The following SCAF8 variants were observed in gnomAD, a reference collection of about 807,000 sequenced individuals.
SCAF8 encodes the protein SR-related and CTD-associated factor 8.
A neutral mutation model predicts 140.5 loss-of-function variants in SCAF8; 23 were observed. The ratio of observed to expected loss-of-function variants is 0.16; its 90% CI spans 0.12 to 0.23. SCAF8 has a LOEUF of 0.23. SCAF8 is among the 10% of genes least tolerant of loss of function. The pLI, the probability that SCAF8 is intolerant of heterozygous loss-of-function variation, is 1.00. For missense variants in SCAF8, 1,397 were observed against 1,555.7 expected (o/e 0.90, Z 1.72); for synonymous variants, 575 against 528.9 (o/e 1.09, Z -1.20).
intron 14 of SCAF8, among the ~76,000 whole-genome samples, chr6:154,819,193 C>G (rs1778342656): frequency 1.3e-5 from 2 of 152,224 alleles, no homozygotes; most frequent in South Asian, 2.1e-4. Flanking sequence ...ACTTTAACTA[C>G]TTTCATTAAA....
intron 1 of SCAF8, among the ~76,000 whole-genome samples, chr6:154,741,257 A>G (rs1778560632): frequency 6.6e-6 from 1 of 152,244 alleles, no homozygotes; most frequent in Non-Finnish European, 1.5e-5. Flanking sequence ...ATCATTAAAT[A>G]TAAAAAAATT....
Position 154,795,063 on chromosome 6 carries a change from C to A in SCAF8, c.530C>A (p.Pro177Gln). The A allele has an allele frequency of 6.2e-7, 1 of 1,613,200 alleles. No individual in the cohort carries two copies. The highest frequency in any genetic ancestry group is 8.5e-7 in the Non-Finnish European group (1 of 1,179,664). ...PANVVQGLPDPWVSQITNTDT... is the reference protein window; with the variant it reads ...PANVVQGLPDQWVSQITNTDT... ...AATGTGGTCCAAGGCTTACCTGATCCGTGGGTATCTCAGATAACAAATACA... is the reference window on the plus strand; with the variant it reads ...AATGTGGTCCAAGGCTTACCTGATCAGTGGGTATCTCAGATAACAAATACA... The change falls in exon 6 of 20, where the codon CCG becomes CAG. Residue 177 changes from proline to glutamine, a missense_variant. Pro to Gln is a moderately conservative substitution (Grantham distance 76). This residue lies in a region of SCAF8 where 339 missense variants were observed against 407.5 expected (regional missense o/e 0.83). Coordinates refer to ENST00000367178, the MANE Select transcript of SCAF8 (RefSeq NM_014892.5).
At chr6:154,794,864 G>T in intron 5 of SCAF8, 145 bp from the exon 6 acceptor site, 2 of 500,400 alleles carry the variant, frequency 4.0e-6, no homozygotes, top group South Asian at 4.6e-5. Flanking sequence ...GATTTTAAGT[G>T]ATTTTTTCAA....
chr6:154,736,726 T>C (rs1244188630), intron 1 of SCAF8, among the ~76,000 whole-genome samples: 1 of 152,252 alleles, frequency 6.6e-6, no homozygotes, highest in Non-Finnish European at 1.5e-5. Flanking sequence ...CATGTGTAGA[T>C]AGGTGTTTCA....
intron 1 of SCAF8, among the ~76,000 whole-genome samples, chr6:154,758,929 T>A (rs961589472): frequency 1.3e-5 from 2 of 152,136 alleles, no homozygotes; most frequent in Non-Finnish European, 2.9e-5. Context: ...CTCCTAGTGT[T>A]TTTCCCACTA....
chr6:154,760,749 TA>T (rs1175633916), intron 1 of SCAF8, among the ~76,000 whole-genome samples: 1 of 152,164 alleles, frequency 6.6e-6, no homozygotes, highest in Non-Finnish European at 1.5e-5. Context: ...CATATTAAAA[TA>T]TTTTATGCCA....
intron 3 of SCAF8, 75 bp downstream of exon 3, chr6:154,778,120 C>A: frequency 1.3e-6 from 1 of 785,824 alleles, no homozygotes; most frequent in Non-Finnish European, 2.1e-6. Context: ...AGATCAAATA[C>A]CCAAGTTTAA....
chr6:154,734,017 C>T (rs1210377726), intron 1 of SCAF8, 87 bp downstream of exon 1: 1 of 1,425,438 alleles, frequency 7.0e-7, no homozygotes, highest in East Asian at 2.8e-5. Context: ...GGGCGCGGGC[C>T]TGCGGGTTTT....
intron 1 of SCAF8, among the ~76,000 whole-genome samples, chr6:154,773,269 C>T (rs1397454365): frequency 1.3e-5 from 2 of 152,166 alleles, no homozygotes; most frequent in Non-Finnish European, 1.5e-5. Flanking sequence ...AATAGATTTG[C>T]CCTTTCTGGA....
At chr6:154,808,860 T>A in intron 11 of SCAF8, 62 bp downstream of exon 11, 1 of 1,092,556 alleles carries the variant, frequency 9.2e-7, no homozygotes, top group Non-Finnish European at 1.4e-6. Flanking sequence ...TTTATTTCTT[T>A]GCATCAGGAT....
intron 1 of SCAF8, among the ~76,000 whole-genome samples, chr6:154,738,381 T>C (rs1469688450): frequency 6.6e-6 from 1 of 152,234 alleles, no homozygotes; most frequent in Non-Finnish European, 1.5e-5. Context: ...TAAAAATTAC[T>C]ATGTCAGAAG....
At chr6:154,757,070 G>A (rs966767475) in intron 1 of SCAF8, among the ~76,000 whole-genome samples, 1 of 152,092 alleles carries the variant, frequency 6.6e-6, no homozygotes, top group Admixed American at 6.5e-5. Context: ...CTGTTGCCTA[G>A]GCTGGAGTGC....
chr6:154,771,150 ATTAG>A (rs1776754968), intron 1 of SCAF8, among the ~76,000 whole-genome samples: 1 of 152,230 alleles, frequency 6.6e-6, no homozygotes, highest in Admixed American at 6.5e-5. Flanking sequence ...AAAATCAAGT[ATTAG>A]TTAAATAATC....
rs764803548 is a variant in SCAF8 at position 154,822,315 on chromosome 6, C to T, written c.1832C>T (p.Thr611Met). ...TVKSSEPVKE[T>M]VQTTQSPTPV... ...AAAAGCTCAGAACCTGTTAAAGAGA[C>T]GGTCCAGACAACTCAGAGCCCAACT... The change falls in exon 16 of 20, where the codon ACG becomes ATG. Residue 611 changes from threonine (T) to methionine (M), a missense_variant. Thr to Met is a moderately conservative substitution (Grantham distance 81). This residue lies in a region of SCAF8 where 930 missense variants were observed against 874.6 expected (regional missense o/e 1.06). Transcript: ENST00000367178. 57 of 1,612,738 alleles carry T rather than the reference C, an allele frequency of 3.5e-5. No homozygotes were observed. Among genetic ancestry groups the T allele is most frequent in the Non-Finnish European group, 4.6e-5 (54 of 1,179,268 alleles).
Position 154,748,419 on chromosome 6 carries a change from A to G in SCAF8, c.30+14489A>G, listed in dbSNP as rs574747153. Reference sequence around the variant, plus strand: ...TTACTAATAAGACTAGTATTTATTTACTAAATGTTAATAAAAGCTCAAGAA... The same window carrying G: ...TTACTAATAAGACTAGTATTTATTTGCTAAATGTTAATAAAAGCTCAAGAA... On this transcript the variant is annotated intron_variant, in intron 1 of 19. Coordinates refer to ENST00000367178, the MANE Select transcript of SCAF8 (RefSeq NM_014892.5). Among the ~76,000 whole-genome samples, 16 of 152,352 alleles carry G rather than the reference A, an allele frequency of 1.1e-4. No homozygotes were observed. In the East Asian group the frequency reaches 1.3e-3, roughly 13 times the overall value.
In SCAF8 at chr6:154,831,031, T is replaced by C. The variant is rs1778715406; in HGVS notation, c.2250T>C (p.Ala750=). ...TTGCCAGCAATCTTGCTACTTCCGC[T>C]CTGCCAGCTGGAAATGTTTTTAATG... ...GSVASNLATS[A]LPAGNVFNAP... The change falls in exon 19 of 20, where the codon GCT becomes GCC. Residue 750 remains alanine, a synonymous_variant. Transcript: ENST00000367178. 2 of 1,614,034 alleles carry C rather than the reference T, an allele frequency of 1.2e-6. No individual in the cohort carries two copies. Among genetic ancestry groups the C allele is most frequent in the Non-Finnish European group, 1.7e-6 (2 of 1,179,920 alleles).
chr6:154,832,070 C>T lies in SCAF8; in HGVS notation c.2491C>T (p.Pro831Ser), dbSNP rs1452663065. Residue 831 changes from proline (P) to serine (S), a missense_variant, in exon 20 of 20, where the codon CCA becomes TCA. Physicochemically the swap from Pro to Ser is moderately conservative, Grantham distance 74. Transcript: ENST00000367178. The part of the protein sequence containing the change: ...SSNSEILGVR[P>S]SNVSSSSGII... ...TAATTCTGAAATTCTTGGGGTCCGG[C>T]CATCTAATGTTTCCAGTAGTTCTGG... 5 of 1,614,018 alleles carry T rather than the reference C, an allele frequency of 3.1e-6. No homozygotes were observed. The highest frequency in any genetic ancestry group is 1.3e-5 in the African/African-American group (1 of 74,998).
chr6:154,742,140 T>C (rs991586879), intron 1 of SCAF8: 3 of 622,930 alleles, frequency 4.8e-6, no homozygotes, highest in Non-Finnish European at 8.5e-6. Context: ...GTTTGTCACT[T>C]AGAATAGATT....
intron 1 of SCAF8, among the ~76,000 whole-genome samples, chr6:154,761,028 C>G (rs1404789144): frequency 6.6e-6 from 1 of 151,996 alleles, no homozygotes; most frequent in African/African-American, 2.4e-5. Flanking sequence ...TCTTGAACTC[C>G]TGGCCTCAAG....
Sources: gnomAD v4.1 joint callset for allele counts (sites outside exome capture counted in the v4.1 genomes callset) on GRCh38, gnomAD v4.1.1 for gene constraint, gnomAD v4.1.1 regional missense constraint, MANE v1.5 for transcripts, NCBI Gene and HGNC (gene_info 2026-07-23, HGNC 2026-07-21) for gene names.